Variants in KCNMB4 observed in about 807,000 individuals in gnomAD.
KCNMB4 encodes the protein calcium-activated potassium channel subunit beta-4.
In KCNMB4, 3 loss-of-function variants were observed where a neutral mutation model predicts 20.7. The observed-to-expected ratio is 0.14, with a 90% CI of 0.07 to 0.37. The LOEUF (loss-of-function observed/expected upper bound fraction) is 0.37. Ranked by LOEUF, KCNMB4 falls within the 10% of genes least tolerant of loss-of-function variation. The probability of loss-of-function intolerance (pLI) is 1.00; values close to 1 mark genes in which losing one functional copy is unlikely to be tolerated. For missense variants in KCNMB4, 168 were observed against 265.9 expected (o/e 0.63, Z 2.56); for synonymous variants, 110 against 113.4 (o/e 0.97, Z 0.19).
At chr12:70,375,982 T>C (rs560219333) in intron 1 of KCNMB4, among the ~76,000 whole-genome samples, 10 of 152,214 alleles carry the variant, frequency 6.6e-5, no homozygotes, top group East Asian at 1.9e-4. Context: ...TGGAAGAGTT[T>C]GTGATTATAT....
intron 2 of KCNMB4, among the ~76,000 whole-genome samples, chr12:70,422,173 G>T (rs1241304905): frequency 6.6e-6 from 1 of 152,212 alleles, no homozygotes; most frequent in East Asian, 1.9e-4. Flanking sequence ...AATGAAGAAT[G>T]TAAATGTCTT....
chr12:70,425,457 A>C (rs906902902), intron 2 of KCNMB4, among the ~76,000 whole-genome samples: 1 of 152,172 alleles, frequency 6.6e-6, no homozygotes, highest in African/African-American at 2.4e-5. Context: ...AAAACAAAAC[A>C]AAACACTGAA....
intron 1 of KCNMB4, among the ~76,000 whole-genome samples, chr12:70,380,563 G>A (rs1883767051): frequency 2.0e-5 from 3 of 151,918 alleles, no homozygotes; most frequent in East Asian, 1.9e-4. Context: ...AACGAAGTGT[G>A]CCTGTACAAC....
In KCNMB4 at chr12:70,367,086, G is replaced by T. The variant is rs759524842; in HGVS notation, c.336+16G>T. The T allele has an allele frequency of 6.7e-6, 10 of 1,488,184 alleles. No individual in the cohort carries two copies. The highest frequency in any genetic ancestry group is 8.9e-6 in the Non-Finnish European group (10 of 1,117,586). 92.2% of individuals were successfully genotyped at this position (1,488,184 alleles called of 1,614,324 possible). A position where few individuals can be genotyped will look rare whatever the true frequency, so the allele number is the denominator to read the frequency against. ...CAACCCCAAGGTAAGAACGCCCCGC[G>T]CACCCAGGGGCTCCCCGCGAGGGAG... On this transcript the variant is annotated intron_variant, in intron 1 of 2. Coordinates refer to ENST00000258111, the MANE Select transcript of KCNMB4 (RefSeq NM_014505.6).
At chr12:70,416,691 T>C (rs1258150491) in intron 2 of KCNMB4, among the ~76,000 whole-genome samples, 1 of 152,192 alleles carries the variant, frequency 6.6e-6, no homozygotes, top group Admixed American at 6.5e-5. Context: ...TTAATGCATT[T>C]TAACTGAGAG....
chr12:70,367,832 C>T (rs978499257), intron 1 of KCNMB4, among the ~76,000 whole-genome samples: 1 of 150,416 alleles, frequency 6.6e-6, no homozygotes, highest in Admixed American at 6.6e-5. Context: ...TCTCTGACAA[C>T]TTCTATTGGT....
At chr12:70,413,039 C>T (rs923234072) in intron 2 of KCNMB4, among the ~76,000 whole-genome samples, 1 of 152,074 alleles carries the variant, frequency 6.6e-6, no homozygotes, top group Admixed American at 6.5e-5. Flanking sequence ...TGTCTGTCTC[C>T]ATATTAAGAG....
Position 70,428,649 on chromosome 12 carries a change from G to A in KCNMB4, c.465-1836G>A, listed in dbSNP as rs74526757. On this transcript the variant is annotated intron_variant, in intron 2 of 2. Transcript: ENST00000258111. ...TTTAGACTTTTTAGACAAGCATGAAGTTTCTTGAAAATTTGCATGGATAAT... is the reference window on the plus strand; with the variant it reads ...TTTAGACTTTTTAGACAAGCATGAAATTTCTTGAAAATTTGCATGGATAAT... Among the ~76,000 whole-genome samples, 142 of 152,282 alleles carry A rather than the reference G, an allele frequency of 9.3e-4. 3 individuals carry two copies. In the East Asian group the frequency reaches 0.024, roughly 26 times the overall value.
intron 1 of KCNMB4, among the ~76,000 whole-genome samples, chr12:70,385,414 C>T (rs1868249440): frequency 6.6e-6 from 1 of 152,202 alleles, no homozygotes. Flanking sequence ...CTGTGATGTA[C>T]TGAATATTTT....
At position 70,418,592 on chromosome 12, in the gene KCNMB4, G is replaced by T. The variant is rs532507012; in HGVS notation, c.465-11893G>T. Among the ~76,000 whole-genome samples, 197 of 152,242 alleles carry T rather than the reference G, an allele frequency of 1.3e-3. 3 individuals carry two copies. The highest frequency in any genetic ancestry group is 1.5e-3 in the Non-Finnish European group (104 of 68,014). ...AGATTTTGAAGATTTTGAGACAAAG[G>T]CGCGTGCTAACTTTGCTCCGTGATT... On this transcript the variant is annotated intron_variant, in intron 2 of 2. Transcript: ENST00000258111.
At chr12:70,411,555 G>T (rs1468352638) in intron 2 of KCNMB4, among the ~76,000 whole-genome samples, 1 of 152,124 alleles carries the variant, frequency 6.6e-6, no homozygotes, top group Non-Finnish European at 1.5e-5. Flanking sequence ...AGGGGCTACA[G>T]AGATCTTCCT....
At position 70,431,428 on chromosome 12, in the gene KCNMB4, CGG is replaced by C. The variant is rs1397881260; in HGVS notation, c.*776_*777del. 1.3e-5 allele frequency: 2 copies of C among 151,508 alleles called. No individual in the cohort carries two copies. The highest frequency in any genetic ancestry group is 3.9e-4 in the East Asian group (2 of 5,176). 9.4% of individuals were successfully genotyped at this position (151,508 alleles called of 1,614,324 possible). A position where few individuals can be genotyped will look rare whatever the true frequency, so the allele number is the denominator to read the frequency against. ...ATTCATCTGTTCTTGTTGTTTTTGA[CGG>C]AGTTAAAAAAGTTTGTGTGCAATAC... On this transcript the variant is annotated 3_prime_UTR_variant, in exon 3 of 3. Coordinates refer to ENST00000258111, the MANE Select transcript of KCNMB4 (RefSeq NM_014505.6).
intron 1 of KCNMB4, among the ~76,000 whole-genome samples, chr12:70,379,263 A>G (rs1425106975): frequency 6.6e-6 from 1 of 152,180 alleles, no homozygotes; most frequent in East Asian, 1.9e-4. Context: ...TGAAGCCTGG[A>G]CTTTATAGCT....
intron 1 of KCNMB4, among the ~76,000 whole-genome samples, chr12:70,392,945 A>G (rs1345808913): frequency 6.6e-6 from 1 of 152,164 alleles, no homozygotes; most frequent in Admixed American, 6.5e-5. Context: ...ACAAACCTGC[A>G]TGTTCTGCAC....
intron 1 of KCNMB4, among the ~76,000 whole-genome samples, chr12:70,379,593 T>A (rs1247059318): frequency 6.6e-6 from 1 of 152,112 alleles, no homozygotes; most frequent in African/African-American, 2.4e-5. Context: ...ATGTTTGTAT[T>A]TTTTGTAGAG....
Position 70,366,929 on chromosome 12 carries a change from G to A in KCNMB4, c.195G>A (p.Val65=). ...TGTCGGTGCAGCAGATCGGCGAGGT[G>A]TTCGAGTGCACCTTCACCTGTGGCG... ...TVLSVQQIGE[V]FECTFTCGAD... The change falls in exon 1 of 3, where the codon GTG becomes GTA. Residue 65 remains valine (V), a synonymous_variant. Transcript: ENST00000258111. 2 of 1,612,974 alleles carry A rather than the reference G, an allele frequency of 1.2e-6. No homozygotes were observed. Among genetic ancestry groups the A allele is most frequent in the Middle Eastern group, 1.6e-4 (1 of 6,062 alleles).
chr12:70,410,419 AAT>A (rs1204906907), intron 2 of KCNMB4, among the ~76,000 whole-genome samples: 1 of 152,196 alleles, frequency 6.6e-6, no homozygotes, highest in Non-Finnish European at 1.5e-5. Context: ...AAGAGAGTTG[AAT>A]ATGTACTTTT....
At chr12:70,423,506 C>T (rs756963377) in intron 2 of KCNMB4, among the ~76,000 whole-genome samples, 4 of 151,736 alleles carry the variant, frequency 2.6e-5, no homozygotes, top group Non-Finnish European at 4.4e-5. Context: ...CTCAGTCTGT[C>T]GCCCAGGCTG....
chr12:70,379,755 C>T (rs919765446), intron 1 of KCNMB4, among the ~76,000 whole-genome samples: 2 of 152,182 alleles, frequency 1.3e-5, no homozygotes, highest in African/African-American at 4.8e-5. Context: ...TTTTCTTAAA[C>T]CTCATGAATG....
Sources: gnomAD v4.1 joint callset for allele counts (sites outside exome capture counted in the v4.1 genomes callset) on GRCh38, gnomAD v4.1.1 for gene constraint, MANE v1.5 for transcripts, NCBI Gene and HGNC (gene_info 2026-07-23, HGNC 2026-07-21) for gene names.